Variants in BEGAIN observed in about 807,000 individuals in gnomAD.
The protein encoded by BEGAIN is brain enriched guanylate kinase associated.
A neutral mutation model predicts 35.8 loss-of-function variants in BEGAIN; 19 were observed. That is an observed-to-expected ratio of 0.53 (90% CI 0.37 to 0.78). BEGAIN has a LOEUF of 0.78. Ranked by LOEUF, BEGAIN falls within the 30% of genes least tolerant of loss-of-function variation. BEGAIN has a pLI of 0.00. For synonymous variants in BEGAIN, 462 were observed against 388.6 expected, an observed-to-expected ratio of 1.19 and a Z score of -2.22; for missense variants, 795 against 853.6, an observed-to-expected ratio of 0.93 and a Z score of 0.85.
intron 3 of BEGAIN, chr14:100,546,265 C>G (rs1264017189): frequency 4.0e-6 from 1 of 252,450 alleles, no homozygotes; most frequent in Admixed American, 5.2e-5. Context: ...CTGGACTCCC[C>G]ATCTGAGTGG....
At chr14:100,583,926 T>C (rs2035379817) in intron 1 of BEGAIN, among the ~76,000 whole-genome samples, 1 of 152,210 alleles carries the variant, frequency 6.6e-6, no homozygotes, top group South Asian at 2.1e-4. Context: ...CTTGAACTCC[T>C]GACCTCAGGT....
chr14:100,538,788 C>G lies in BEGAIN; in HGVS notation c.1020G>C (p.Ser340=). ...EHAQASTLTA[S]QQAIYLNSRD... ...GGCTGTTCAGGTAGATGGCCTGCTG[C>G]GACGCGGTCAGCGTGCTGGCCTGCG... The change falls in exon 7 of 7, where the codon TCG becomes TCC. Residue 340 remains serine (S), a synonymous_variant. Coordinates refer to ENST00000554140, the MANE Select transcript of BEGAIN (RefSeq NM_001385089.1). The G allele has an allele frequency of 6.3e-7, 1 of 1,595,266 alleles. No homozygotes were observed. Among genetic ancestry groups the G allele is most frequent in the Non-Finnish European group, 8.5e-7 (1 of 1,172,768 alleles).
In BEGAIN at chr14:100,558,871, C is replaced by T. The variant is rs1387299006; in HGVS notation, c.71+9040G>A. Among the ~76,000 whole-genome samples, 1 of 152,218 alleles carries T rather than the reference C, an allele frequency of 6.6e-6. No individual in the cohort carries two copies. The highest frequency in any genetic ancestry group is 1.5e-5 in the Non-Finnish European group (1 of 68,036). ...AGACCTCCTTGAAACCAACGTCAGA[C>T]CCATCCTTGGGGAGGTGGGCCATCG... On this transcript the variant is annotated intron_variant, in intron 2 of 6. Transcript: ENST00000554140. This position sits in a 1 kb window ranked among gnomAD's most constrained non-coding sequence, Gnocchi z 4.6.
At position 100,558,330 on chromosome 14, in the gene BEGAIN, C is replaced by G. The variant is rs2033940456; in HGVS notation, c.71+9581G>C. ...TCACCTGACCTGCGCCCTCAGCAGC[C>G]AGGCACATGCTGCCTCTCCCTGCTC... On this transcript the variant is annotated intron_variant, in intron 2 of 6. Transcript: ENST00000554140. This position sits in a 1 kb window ranked among gnomAD's most constrained non-coding sequence, Gnocchi z 4.6. Among the ~76,000 whole-genome samples the G allele has an allele frequency of 6.6e-6, 1 of 151,836 alleles. No individual in the cohort carries two copies. Among genetic ancestry groups the G allele is most frequent in the Admixed American group, 6.6e-5 (1 of 15,256 alleles).
chr14:100,573,387 C>CG lies in BEGAIN; in HGVS notation c.43-5449dup, dbSNP rs1566980678. Among the ~76,000 whole-genome samples, 2 of 151,760 alleles carry CG rather than the reference C, an allele frequency of 1.3e-5. No homozygotes were observed. Among genetic ancestry groups the CG allele is most frequent in the African/African-American group, 4.8e-5 (2 of 41,266 alleles). On this transcript the variant is annotated intron_variant, in intron 1 of 6. Transcript: ENST00000554140. The surrounding 1 kb of genome is among the most constrained non-coding windows in gnomAD (Gnocchi z 4.2). ...GTGCCTGGTGAGTTGGGAAGCATCC[C>CG]GGTCACCAGTGGGAAGGAGCAGCTG...
chr14:100,545,171 C>G, intron 3 of BEGAIN, 105 bp from the exon 4 acceptor site: 1 of 1,578,586 alleles, frequency 6.3e-7, no homozygotes, highest in East Asian at 2.3e-5. Context: ...TTTGGACCTC[C>G]TGAGCTCACC....
At chr14:100,555,098 C>T (rs1002239413) in intron 2 of BEGAIN, among the ~76,000 whole-genome samples, 32 of 152,392 alleles carry the variant, frequency 2.1e-4, no homozygotes, top group African/African-American at 7.5e-4. Flanking sequence ...GCAGAACCTA[C>T]AGTTGGCCCC....
At chr14:100,584,245 A>G (rs891633214) in intron 1 of BEGAIN, among the ~76,000 whole-genome samples, 3 of 152,108 alleles carry the variant, frequency 2.0e-5, no homozygotes, top group Non-Finnish European at 4.4e-5. Flanking sequence ...TGATTGAACC[A>G]ATGACTGCAA....
At chr14:100,580,780 A>G (rs1033286297) in intron 1 of BEGAIN, among the ~76,000 whole-genome samples, 3 of 152,208 alleles carry the variant, frequency 2.0e-5, no homozygotes, top group Admixed American at 2.0e-4. Flanking sequence ...CCTGGCACAT[A>G]GCAGGTGCTC....
chr14:100,546,658 G>C lies in BEGAIN; in HGVS notation c.76C>G (p.Leu26Val). Residue 26 changes from leucine to valine, a missense_variant, in exon 3 of 7, where the codon CTG becomes GTG. Coordinates refer to ENST00000554140, the MANE Select transcript of BEGAIN (RefSeq NM_001385089.1). ...CGCAGCTCGCCCTTCTGCTCCTGCA[G>C]CGCGCTGCAACGACATGGCGGCGGC... ...SAADMEKLSA[L>V]QEQKGELRKR... The C allele has an allele frequency of 6.4e-7, 1 of 1,565,312 alleles. No homozygotes were observed. The highest frequency in any genetic ancestry group is 8.6e-7 in the Non-Finnish European group (1 of 1,161,324).
At position 100,568,192 on chromosome 14, in the gene BEGAIN, G is replaced by A. The variant is rs2034882540; in HGVS notation, c.43-253C>T. On this transcript the variant is annotated intron_variant, in intron 1 of 6. Coordinates refer to ENST00000554140, the MANE Select transcript of BEGAIN (RefSeq NM_001385089.1). The surrounding 1 kb of genome is among the most constrained non-coding windows in gnomAD (Gnocchi z 7.5). ...CTCCCCGCACCGAGTTACGCCCCCC[G>A]GGGCGAAGAAGGGGCCGGCCCGGGA... 1 of 801,894 alleles carries A rather than the reference G, an allele frequency of 1.2e-6. No individual in the cohort carries two copies. The allele number at this position is 801,894 out of a possible 1,614,324, so 49.7% of individuals were successfully genotyped here.
intron 1 of BEGAIN, chr14:100,577,486 C>G (rs940001447): frequency 5.0e-6 from 2 of 399,358 alleles, no homozygotes; most frequent in African/African-American, 4.1e-5. Flanking sequence ...GGCTGCAGCT[C>G]TTGTAAGGGC....
At chr14:100,547,322 A>T (rs2032658167) in intron 2 of BEGAIN, 1 of 152,306 alleles carries the variant, frequency 6.6e-6, no homozygotes, top group East Asian at 1.9e-4. Flanking sequence ...GGCCTGCTCA[A>T]GTTCCCCTTC....
At chr14:100,575,594 G>A (rs951992579) in intron 1 of BEGAIN, among the ~76,000 whole-genome samples, 1 of 152,188 alleles carries the variant, frequency 6.6e-6, no homozygotes, top group Non-Finnish European at 1.5e-5. Context: ...CTGGAGCTGA[G>A]GGGCTCAGAG....
intron 6 of BEGAIN, among the ~76,000 whole-genome samples, chr14:100,539,906 A>G (rs2031316643): frequency 6.6e-6 from 1 of 151,670 alleles, no homozygotes; most frequent in Non-Finnish European, 1.5e-5. Flanking sequence ...ATGGCCCAGG[A>G]CCAGGGGAAA....
At position 100,538,566 on chromosome 14, in the gene BEGAIN, T is replaced by C; in HGVS notation, c.1242A>G (p.Pro414=). ...GCTTGGCCCGCAGGCTCCACAGGTT[T>C]GGGGGCATCAGGGCCTGCTGGGGAC... ...SPGPQQALMP[P]NLWSLRAKPG... Residue 414 remains proline (P), a synonymous_variant, in exon 7 of 7, where the codon CCA becomes CCG. Transcript: ENST00000554140. The C allele has an allele frequency of 1.3e-6, 2 of 1,543,668 alleles. No homozygotes were observed. The highest frequency in any genetic ancestry group is 1.7e-6 in the Non-Finnish European group (2 of 1,144,816).
chr14:100,562,928 C>T (rs979166446), intron 2 of BEGAIN, among the ~76,000 whole-genome samples: 10 of 152,106 alleles, frequency 6.6e-5, no homozygotes, highest in Admixed American at 5.9e-4. Flanking sequence ...GCCTCTGGTG[C>T]TCAGTGAATG....
At chr14:100,552,676 T>C (rs1160842239) in intron 2 of BEGAIN, among the ~76,000 whole-genome samples, 5 of 152,178 alleles carry the variant, frequency 3.3e-5, no homozygotes, top group Admixed American at 6.5e-5. Flanking sequence ...GAAGGGGGAA[T>C]GAGCCACCTC....
rs1252856008 is a variant in BEGAIN, at chr14:100,538,617, C to G, written c.1191G>C (p.Glu397Asp). 2.6e-6 allele frequency: 4 copies of G among 1,549,324 alleles called. No individual in the cohort carries two copies. The South Asian group carries it at 4.8e-5, about 19-fold the overall frequency. ...FGRTMSPYPAETFRFPASPGP... is the reference protein window; with the variant it reads ...FGRTMSPYPADTFRFPASPGP... Reference sequence around the variant, plus strand: ...CCGGAGAGGCCGGGAAGCGGAAGGTCTCGGCCGGGTACGGTGACATGGTCC... The same window carrying G: ...CCGGAGAGGCCGGGAAGCGGAAGGTGTCGGCCGGGTACGGTGACATGGTCC... The change falls in exon 7 of 7, where the codon GAG (glutamate) becomes GAC (aspartate). Residue 397 changes from glutamate to aspartate, a missense_variant. Physicochemically the swap from Glu to Asp is conservative, Grantham distance 45. Transcript: ENST00000554140.
Sources: allele counts gnomAD v4.1 joint callset (sites outside exome capture counted in the v4.1 genomes callset), GRCh38; gene constraint gnomAD v4.1.1; non-coding constraint Gnocchi (gnomAD v3.1); transcripts MANE v1.5; gene names NCBI Gene and HGNC (gene_info 2026-07-23, HGNC 2026-07-21).